MEIS1: variants seen among roughly 807,000 people sequenced by gnomAD.
The protein encoded by MEIS1 is homeobox protein Meis1.
A neutral mutation model predicts 50.8 loss-of-function variants in MEIS1; 5 were observed. The observed-to-expected ratio is 0.10, with a 90% CI of 0.05 to 0.21. The LOEUF (loss-of-function observed/expected upper bound fraction) is 0.21, where lower values mean the gene tolerates loss of function less well. Ranked by LOEUF, MEIS1 falls within the 10% of genes least tolerant of loss-of-function variation. The pLI, the probability that MEIS1 is intolerant of heterozygous loss-of-function variation, is 1.00. For missense variants in MEIS1, 318 were observed against 517.3 expected (o/e 0.61, Z 3.74); for synonymous variants, 176 against 179.3 (o/e 0.98, Z 0.15).
At chr2:66,528,826 G>C (rs950868877) in intron 8 of MEIS1, among the ~76,000 whole-genome samples, 1 of 152,114 alleles carries the variant, frequency 6.6e-6, no homozygotes, top group Admixed American at 6.5e-5. Context: ...CGTAGGATAT[G>C]AGACAAACAT....
At chr2:66,539,055 T>G (rs1674586748) in intron 8 of MEIS1, among the ~76,000 whole-genome samples, 1 of 152,098 alleles carries the variant, frequency 6.6e-6, no homozygotes, top group South Asian at 2.1e-4. Flanking sequence ...GGCTGGCTAA[T>G]TTTTTGTATT....
rs553975287 is a variant in MEIS1 at position 66,571,799 on chromosome 2, T to A, written c.*591T>A. On this transcript the variant is annotated 3_prime_UTR_variant, in exon 13 of 13. Coordinates refer to ENST00000272369, the MANE Select transcript of MEIS1 (RefSeq NM_002398.3). ...ATTACGTTGTTTCTTATAGATTTTT[T>A]AAAAAAAATGTGAAATTTTTCCACA... 2.0e-4 allele frequency: 77 copies of A among 391,376 alleles called. 1 individual carries two copies. The highest frequency in any genetic ancestry group is 9.7e-4 in the South Asian group (30 of 31,006). The allele number at this position is 391,376 out of a possible 1,614,324, so 24.2% of individuals were successfully genotyped here.
chr2:66,537,523 G>A (rs993289354), intron 8 of MEIS1, among the ~76,000 whole-genome samples: 2 of 152,076 alleles, frequency 1.3e-5, no homozygotes, highest in African/African-American at 2.4e-5. Context: ...GGAGCAGCAC[G>A]AATTCTCCAT....
At position 66,513,830 on chromosome 2, in the gene MEIS1, T is replaced by C. The variant is rs565883380; in HGVS notation, c.888+1536T>C. On this transcript the variant is annotated intron_variant, in intron 8 of 12. Coordinates refer to ENST00000272369, the MANE Select transcript of MEIS1 (RefSeq NM_002398.3). ...TTGCATGTGTGTAGATATTTCAATA[T>C]CTGACTCCTGCAAATTCCCCACTGA... Among the ~76,000 whole-genome samples the C allele has an allele frequency of 5.3e-5, 8 of 152,174 alleles. No homozygotes were observed. The South Asian group carries it at 1.7e-3, about 32-fold the overall frequency.
intron 9 of MEIS1, among the ~76,000 whole-genome samples, chr2:66,548,725 A>G (rs921280863): frequency 1.4e-4 from 21 of 152,234 alleles, no homozygotes; most frequent in African/African-American, 5.1e-4. Context: ...CAGGTTTCAT[A>G]TAATCACCCA....
intron 9 of MEIS1, among the ~76,000 whole-genome samples, chr2:66,550,223 G>GCA (rs1674886975): frequency 6.6e-6 from 1 of 152,148 alleles, no homozygotes; most frequent in African/African-American, 2.4e-5. Flanking sequence ...GCCACTTTGT[G>GCA]CAGTGTGTGG....
intron 7 of MEIS1, among the ~76,000 whole-genome samples, chr2:66,478,266 A>G (rs1558533118): frequency 6.6e-6 from 1 of 152,106 alleles, no homozygotes; most frequent in Non-Finnish European, 1.5e-5. Flanking sequence ...CAAGTTACAT[A>G]GCGAGAAGTG....
chr2:66,437,438 TTC>T (rs762747937), intron 1 of MEIS1: 4 of 400,006 alleles, frequency 1.0e-5, no homozygotes, highest in African/African-American at 2.0e-5. Flanking sequence ...ATGCTTCTCT[TTC>T]TCTCTTTCTT....
At chr2:66,451,836 A>G (rs903163897) in intron 6 of MEIS1, among the ~76,000 whole-genome samples, 2 of 151,942 alleles carry the variant, frequency 1.3e-5, no homozygotes, top group African/African-American at 4.8e-5. Flanking sequence ...AGTCTTGGCA[A>G]ACTAGCTAGT....
Position 66,437,731 on chromosome 2 carries a change from A to C in MEIS1, c.13-6A>C. 6.2e-7 allele frequency: 1 copy of C among 1,613,544 alleles called. No homozygotes were observed. The highest frequency in any genetic ancestry group is 1.1e-5 in the South Asian group (1 of 91,038). ...GAACCTTCTTTCTCTCCTGTTTGTC[A>C]TGCAGTACGACGATCTACCCCATTA... On this transcript the variant is annotated splice_polypyrimidine_tract_variant and splice_region_variant and intron_variant, in intron 1 of 12. Coordinates refer to ENST00000272369, the MANE Select transcript of MEIS1 (RefSeq NM_002398.3).
At chr2:66,564,998 G>A (rs892204073) in intron 9 of MEIS1, among the ~76,000 whole-genome samples, 1 of 152,000 alleles carries the variant, frequency 6.6e-6, no homozygotes, top group Non-Finnish European at 1.5e-5. Flanking sequence ...TAGATGGGGT[G>A]GCCTCTTAAG....
intron 7 of MEIS1, among the ~76,000 whole-genome samples, chr2:66,503,142 G>C (rs536797428): frequency 6.6e-6 from 1 of 152,146 alleles, no homozygotes; most frequent in Non-Finnish European, 1.5e-5. Context: ...AAGAGACTGG[G>C]AAATGAGGCA....
intron 12 of MEIS1, 102 bp downstream of exon 12, chr2:66,569,247 C>CCA: frequency 1.0e-6 from 1 of 976,926 alleles, no homozygotes; most frequent in Non-Finnish European, 1.5e-6. Context: ...CTTGTTCATT[C>CCA]CTTTCCATTA....
chr2:66,552,056 C>A (rs1339491154), intron 9 of MEIS1, among the ~76,000 whole-genome samples: 2 of 151,770 alleles, frequency 1.3e-5, no homozygotes, highest in South Asian at 2.1e-4. Context: ...CACACACACA[C>A]AATCAATACT....
intron 10 of MEIS1, chr2:66,567,836 C>T: frequency 1.8e-6 from 1 of 557,880 alleles, no homozygotes. Flanking sequence ...GCTACTATGA[C>T]CACTCCCTGG....
rs762896366 is a variant in MEIS1 at position 66,573,513 on chromosome 2, T to C, written c.*2305T>C. The C allele has an allele frequency of 3.3e-5, 5 of 152,210 alleles. No individual in the cohort carries two copies. The highest frequency in any genetic ancestry group is 4.8e-5 in the African/African-American group (2 of 41,450). The allele number at this position is 152,210 out of a possible 1,614,324, so 9.4% of individuals were successfully genotyped here. ...ATAAACCGGCCCTTAGCAATTCTATTTTCTATTCGAAAAGAGAAACCAGCT... is the reference window on the plus strand; with the variant it reads ...ATAAACCGGCCCTTAGCAATTCTATCTTCTATTCGAAAAGAGAAACCAGCT... On this transcript the variant is annotated 3_prime_UTR_variant, in exon 13 of 13. Coordinates refer to ENST00000272369, the MANE Select transcript of MEIS1 (RefSeq NM_002398.3).
intron 6 of MEIS1, among the ~76,000 whole-genome samples, chr2:66,447,079 A>G (rs935268174): frequency 6.6e-6 from 1 of 152,206 alleles, no homozygotes; most frequent in Non-Finnish European, 1.5e-5. Context: ...GGGATGAGGC[A>G]GGGAGGGCAA....
intron 9 of MEIS1, among the ~76,000 whole-genome samples, chr2:66,565,845 A>T: frequency 6.6e-6 from 1 of 152,328 alleles, no homozygotes. Context: ...CTTTTGGTAT[A>T]TGCAGAATAT....
chr2:66,464,298 T>C (rs1424446956), intron 7 of MEIS1, 78 bp downstream of exon 7: 12 of 1,150,996 alleles, frequency 1.0e-5, no homozygotes, highest in Non-Finnish European at 1.4e-5. Flanking sequence ...AGTGAGTTAC[T>C]AAGTATACAG....
Sources: gnomAD v4.1 joint callset for allele counts (sites outside exome capture counted in the v4.1 genomes callset) on GRCh38, gnomAD v4.1.1 for gene constraint, MANE v1.5 for transcripts, NCBI Gene and HGNC (gene_info 2026-07-23, HGNC 2026-07-21) for gene names.